The following INPP4B variants were observed in gnomAD, a reference collection of about 807,000 sequenced individuals.
INPP4B encodes the protein inositol polyphosphate 4-phosphatase type II.
INPP4B carries 55 observed loss-of-function variants against 122.5 expected under a neutral mutation model. The ratio of observed to expected loss-of-function variants is 0.45; its 90% CI spans 0.36 to 0.56. The LOEUF is 0.56. Ranked by LOEUF, INPP4B falls within the 20% of genes least tolerant of loss-of-function variation. The probability of loss-of-function intolerance (pLI) is 0.00; values close to 1 mark genes in which losing one functional copy is unlikely to be tolerated. For missense variants in INPP4B, 1,000 were observed against 1,097.7 expected, an observed-to-expected ratio of 0.91 and a Z score of 1.26; for synonymous variants, 403 against 388.7, an observed-to-expected ratio of 1.04 and a Z score of -0.43.
At chr4:142,126,419 A>G (rs1174999909) in intron 18 of INPP4B, among the ~76,000 whole-genome samples, 1 of 152,154 alleles carries the variant, frequency 6.6e-6, no homozygotes. Flanking sequence ...GTTGTGGTAT[A>G]ATAGACTAGA....
intron 17 of INPP4B, among the ~76,000 whole-genome samples, chr4:142,151,917 T>C (rs1275541508): frequency 1.3e-5 from 2 of 152,158 alleles, no homozygotes; most frequent in Admixed American, 6.5e-5. Flanking sequence ...GAAGATCTAT[T>C]ATTTCCAATA....
At chr4:142,744,372 A>G (rs1346787147) in intron 1 of INPP4B, among the ~76,000 whole-genome samples, 3 of 151,988 alleles carry the variant, frequency 2.0e-5, no homozygotes, top group East Asian at 3.9e-4. Flanking sequence ...AAAATAGAAT[A>G]TAAAGTATTT....
chr4:142,221,330 T>C (rs115303529), intron 12 of INPP4B, among the ~76,000 whole-genome samples: 3,287 of 125,912 alleles, frequency 0.026, 117 homozygotes, highest in African/African-American at 0.094. Context: ...AACCCGGGAG[T>C]AGTGAGCCAA....
intron 1 of INPP4B, among the ~76,000 whole-genome samples, chr4:142,740,449 A>G (rs1191783939): frequency 6.6e-6 from 1 of 152,070 alleles, no homozygotes; most frequent in Non-Finnish European, 1.5e-5. Context: ...TTTAAAAAGC[A>G]CTTTTGAATT....
At chr4:142,493,319 C>A (rs967698609) in intron 2 of INPP4B, among the ~76,000 whole-genome samples, 8 of 152,182 alleles carry the variant, frequency 5.3e-5, no homozygotes, top group Non-Finnish European at 1.0e-4. Context: ...CCCACTGCAG[C>A]ACTGCTTGGT....
intron 7 of INPP4B, among the ~76,000 whole-genome samples, chr4:142,343,613 A>T (rs1779378176): frequency 6.6e-6 from 1 of 152,052 alleles, no homozygotes; most frequent in Non-Finnish European, 1.5e-5. Flanking sequence ...ATCCTAGCTG[A>T]TCTAACAGAC....
intron 5 of INPP4B, among the ~76,000 whole-genome samples, chr4:142,428,971 C>A (rs1430995471): frequency 2.6e-5 from 4 of 152,000 alleles, no homozygotes; most frequent in African/African-American, 4.8e-5. Context: ...ACTATCATCA[C>A]TGAACCCTGT....
At position 142,381,765 on chromosome 4, in the gene INPP4B, T is replaced by A. The variant is rs533774381; in HGVS notation, c.372+21173A>T. ...GTAATATTATTTTCTTCTAGAAGGA[T>A]AGTCATTTTACCTGCACTTTTTTTC... On this transcript the variant is annotated intron_variant, in intron 7 of 25. Coordinates refer to ENST00000262992, the MANE Select transcript of INPP4B (RefSeq NM_001101669.3). Among the ~76,000 whole-genome samples the A allele has an allele frequency of 2.0e-5, 3 of 152,256 alleles. No individual in the cohort carries two copies. In the South Asian group the frequency reaches 6.2e-4, roughly 32 times the overall value.
At chr4:142,701,764 GTACT>G (rs1761805203) in intron 2 of INPP4B, among the ~76,000 whole-genome samples, 1 of 152,036 alleles carries the variant, frequency 6.6e-6, no homozygotes, top group Non-Finnish European at 1.5e-5. Flanking sequence ...TGAAAATCTG[GTACT>G]GTAGGTGATA....
At chr4:142,210,162 C>T (rs1844305664) in intron 12 of INPP4B, among the ~76,000 whole-genome samples, 1 of 152,122 alleles carries the variant, frequency 6.6e-6, no homozygotes, top group South Asian at 2.1e-4. Flanking sequence ...CTATTTTGGC[C>T]ATGAAACATG....
intron 23 of INPP4B, among the ~76,000 whole-genome samples, chr4:142,087,788 C>T (rs1424713921): frequency 1.3e-5 from 2 of 152,132 alleles, no homozygotes; most frequent in Non-Finnish European, 2.9e-5. Flanking sequence ...GTGACTTTAG[C>T]TCCAGAGGAG....
intron 2 of INPP4B, among the ~76,000 whole-genome samples, chr4:142,601,968 C>CA (rs70949178): frequency 9.5e-4 from 71 of 74,856 alleles, no homozygotes; most frequent in African/African-American, 2.7e-3. Context: ...GACTCCATCT[C>CA]AAAAAAAAAA....
intron 2 of INPP4B, among the ~76,000 whole-genome samples, chr4:142,642,748 C>A (rs1242712509): frequency 6.6e-6 from 1 of 152,088 alleles, no homozygotes; most frequent in African/African-American, 2.4e-5. Flanking sequence ...CTTGGTGATG[C>A]GGGCTCTTTT....
At chr4:142,357,332 G>A (rs371044961) in intron 7 of INPP4B, among the ~76,000 whole-genome samples, 2 of 151,928 alleles carry the variant, frequency 1.3e-5, no homozygotes, top group Admixed American at 6.6e-5. Flanking sequence ...CTTTGCTAAC[G>A]GCACTGGTTA....
chr4:142,601,860 T>C (rs575116673), intron 2 of INPP4B, among the ~76,000 whole-genome samples: 18 of 149,982 alleles, frequency 1.2e-4, no homozygotes, highest in African/African-American at 4.2e-4. Context: ...TCCTAGCTAC[T>C]TGGGAGGCTG....
chr4:142,473,310 G>A (rs1267891819), intron 2 of INPP4B: 21 of 152,484 alleles, frequency 1.4e-4, no homozygotes, highest in Non-Finnish European at 2.3e-4. Flanking sequence ...GCAGAGGAAC[G>A]CAGAGAGCAG....
chr4:142,216,310 G>A (rs528946536), intron 12 of INPP4B, among the ~76,000 whole-genome samples: 22 of 152,314 alleles, frequency 1.4e-4, no homozygotes, highest in African/African-American at 5.3e-4. Context: ...GATGCAAGAA[G>A]TTAGGGAGAA....
At chr4:142,071,598 G>A (rs149846096) in intron 25 of INPP4B, among the ~76,000 whole-genome samples, 1,953 of 152,148 alleles carry the variant, frequency 0.013, 43 homozygotes, top group African/African-American at 0.044. Context: ...CTGACAAAGG[G>A]CTAATATCCA....
intron 12 of INPP4B, among the ~76,000 whole-genome samples, chr4:142,218,780 T>C (rs1172631441): frequency 6.6e-6 from 1 of 152,170 alleles, no homozygotes; most frequent in African/African-American, 2.4e-5. Context: ...TAAACAAAAT[T>C]AGACCTTAAA....
Sources: allele counts gnomAD v4.1 joint callset (sites outside exome capture counted in the v4.1 genomes callset), GRCh38; gene constraint gnomAD v4.1.1; transcripts MANE v1.5; gene names NCBI Gene and HGNC (gene_info 2026-07-23, HGNC 2026-07-21).